Variants in SOX6 observed in about 807,000 individuals in gnomAD.
SOX6 encodes SRY-box transcription factor 6, also known as transcription factor SOX-6.
A neutral mutation model predicts 97.8 loss-of-function variants in SOX6; 11 were observed. The observed-to-expected ratio is 0.11, with a 90% CI of 0.07 to 0.19. The LOEUF (loss-of-function observed/expected upper bound fraction) is 0.19. SOX6 is among the 10% of genes least tolerant of loss of function. The pLI, the probability that SOX6 is intolerant of heterozygous loss-of-function variation, is 1.00. For synonymous variants in SOX6, 360 were observed against 371.4 expected (o/e 0.97, Z 0.35); for missense variants, 810 against 1,039.5 (o/e 0.78, Z 3.04).
At chr11:16,442,586 C>A (rs1282796437) in intron 1 of SOX6, among the ~76,000 whole-genome samples, 1 of 152,008 alleles carries the variant, frequency 6.6e-6, no homozygotes, top group Admixed American at 6.6e-5. Context: ...ATATCTACTG[C>A]CTTTACTTCT....
chr11:16,642,839 C>T (rs1180956592), intron 3 of SOX6, among the ~76,000 whole-genome samples: 1 of 152,140 alleles, frequency 6.6e-6, no homozygotes, highest in Non-Finnish European at 1.5e-5. Context: ...AGGTTTTTAA[C>T]TTCTTTGCCA....
chr11:16,704,638 C>T (rs962730477), intron 3 of SOX6, among the ~76,000 whole-genome samples: 5 of 152,142 alleles, frequency 3.3e-5, no homozygotes, highest in Non-Finnish European at 5.9e-5. Context: ...ATTACACAGG[C>T]AACAAGTTAA....
intron 7 of SOX6, among the ~76,000 whole-genome samples, chr11:16,099,473 C>T (rs1052002524): frequency 6.6e-6 from 1 of 151,574 alleles, no homozygotes; most frequent in African/African-American, 2.4e-5. Flanking sequence ...CCATTCTAAC[C>T]ATCGACATGG....
intron 3 of SOX6, among the ~76,000 whole-genome samples, chr11:16,650,687 G>A (rs1847634987): frequency 1.3e-5 from 2 of 151,816 alleles, no homozygotes; most frequent in South Asian, 4.1e-4. Context: ...AAGAGCACAA[G>A]TAGATAATCT....
chr11:16,052,295 C>A (rs1392096396), intron 10 of SOX6, among the ~76,000 whole-genome samples: 1 of 152,104 alleles, frequency 6.6e-6, no homozygotes, highest in Non-Finnish European at 1.5e-5. Context: ...TTTGTGCTAA[C>A]CAAACCTGGT....
chr11:16,006,020 A>G (rs984953723), intron 13 of SOX6, among the ~76,000 whole-genome samples: 3 of 152,020 alleles, frequency 2.0e-5, no homozygotes, highest in Middle Eastern at 3.2e-3. Flanking sequence ...ACTGATCTGT[A>G]AGGCATCGAT....
chr11:16,308,925 A>G (rs537147555), intron 3 of SOX6, among the ~76,000 whole-genome samples: 1 of 152,332 alleles, frequency 6.6e-6, no homozygotes, highest in Admixed American at 6.5e-5. Flanking sequence ...GGTCCATCAA[A>G]GGCTCTTGCT....
At chr11:16,686,533 T>C (rs778365618) in intron 3 of SOX6, among the ~76,000 whole-genome samples, 3 of 152,188 alleles carry the variant, frequency 2.0e-5, no homozygotes, top group Non-Finnish European at 4.4e-5. Flanking sequence ...TGAACTTTAT[T>C]CCAGTTCCTA....
At chr11:16,301,971 T>A (rs1855272799) in intron 3 of SOX6, among the ~76,000 whole-genome samples, 1 of 152,110 alleles carries the variant, frequency 6.6e-6, no homozygotes, top group African/African-American at 2.4e-5. Flanking sequence ...ACCATTCTAA[T>A]AGCCCCACCA....
chr11:16,401,413 C>T (rs1241063859), intron 1 of SOX6, among the ~76,000 whole-genome samples: 18 of 151,500 alleles, frequency 1.2e-4, no homozygotes, highest in Admixed American at 1.1e-3. Flanking sequence ...GACCCTACCA[C>T]GACTACCAGG....
intron 4 of SOX6, among the ~76,000 whole-genome samples, chr11:16,552,693 A>G (rs1847702045): frequency 6.6e-6 from 1 of 152,210 alleles, no homozygotes; most frequent in Non-Finnish European, 1.5e-5. Flanking sequence ...GTCTCACAGC[A>G]TAATAGAGGT....
At chr11:16,675,779 C>T (rs1847879933) in intron 3 of SOX6, among the ~76,000 whole-genome samples, 1 of 152,182 alleles carries the variant, frequency 6.6e-6, no homozygotes, top group African/African-American at 2.4e-5. Flanking sequence ...TGCTCTCTGG[C>T]TTCCATGATT....
At chr11:16,022,094 C>G (rs890630378) in intron 12 of SOX6, among the ~76,000 whole-genome samples, 1 of 152,104 alleles carries the variant, frequency 6.6e-6, no homozygotes, top group Non-Finnish European at 1.5e-5. Context: ...AATGCTCATG[C>G]CACAAGGGCT....
At chr11:16,139,461 C>A (rs1401286425) in intron 6 of SOX6, among the ~76,000 whole-genome samples, 1 of 152,088 alleles carries the variant, frequency 6.6e-6, no homozygotes, top group African/African-American at 2.4e-5. Flanking sequence ...GTTCATGAAT[C>A]CATGTTCTAT....
At chr11:16,244,816 A>T (rs1253805586) in intron 3 of SOX6, among the ~76,000 whole-genome samples, 2 of 151,432 alleles carry the variant, frequency 1.3e-5, no homozygotes, top group Non-Finnish European at 3.0e-5. Context: ...CTGTTCTATT[A>T]ATCAATTCAT....
intron 9 of SOX6, among the ~76,000 whole-genome samples, chr11:16,073,470 A>C (rs932558683): frequency 6.6e-6 from 1 of 152,194 alleles, no homozygotes; most frequent in African/African-American, 2.4e-5. Flanking sequence ...AGACCTATGA[A>C]GAGAGTTAGA....
intron 2 of SOX6, among the ~76,000 whole-genome samples, chr11:16,337,017 A>G (rs1027409346): frequency 2.0e-5 from 3 of 152,092 alleles, no homozygotes; most frequent in African/African-American, 7.2e-5. Context: ...ATTGTCTGAA[A>G]TTGTCTCACT....
At chr11:16,467,324 A>G (rs184538467) in intron 1 of SOX6, among the ~76,000 whole-genome samples, 1 of 152,344 alleles carries the variant, frequency 6.6e-6, no homozygotes, top group East Asian at 1.9e-4. Flanking sequence ...TCTATTATAA[A>G]GACACATGCA....
chr11:16,721,496 T>TTCTGTCTCTG (rs1192157479), intron 2 of SOX6, among the ~76,000 whole-genome samples: 2 of 115,166 alleles, frequency 1.7e-5, no homozygotes, highest in Admixed American at 9.9e-5. Flanking sequence ...GGTGGGTCTT[T>TTCTGTCTCTG]TCTGTCTCTC....
Sources: allele counts gnomAD v4.1 joint callset (sites outside exome capture counted in the v4.1 genomes callset), GRCh38; gene constraint gnomAD v4.1.1; transcripts MANE v1.5; gene names NCBI Gene and HGNC (gene_info 2026-07-23, HGNC 2026-07-21).